The following CDH18 variants were observed in gnomAD, a reference collection of about 807,000 sequenced individuals.
CDH18 encodes the protein cadherin-18.
In CDH18, 31 loss-of-function variants were observed where a neutral mutation model predicts 67.9. The observed-to-expected ratio is 0.46, with a 90% CI of 0.34 to 0.62. The LOEUF (loss-of-function observed/expected upper bound fraction) is 0.62, where lower values mean the gene tolerates loss of function less well. Ranked by LOEUF, CDH18 falls within the 20% of genes least tolerant of loss-of-function variation. CDH18 has a pLI of 0.01. For missense variants in CDH18, 890 were observed against 975.5 expected, an observed-to-expected ratio of 0.91 and a Z score of 1.17; for synonymous variants, 362 against 347.2, an observed-to-expected ratio of 1.04 and a Z score of -0.48.
chr5:19,571,889 TCA>T, intron 7 of CDH18, 57 bp from the exon 8 acceptor site: 3 of 1,355,706 alleles, frequency 2.2e-6, no homozygotes, highest in Non-Finnish European at 3.1e-6. Context: ...ATTATGACTT[TCA>T]TTACTTTTCA....
chr5:20,156,230 G>A (rs539168694), intron 2 of CDH18, among the ~76,000 whole-genome samples: 3 of 151,972 alleles, frequency 2.0e-5, no homozygotes, highest in African/African-American at 7.2e-5. Flanking sequence ...TCCTGTACTG[G>A]GTATATATAA....
chr5:20,211,171 T>C (rs1361055542), intron 2 of CDH18, among the ~76,000 whole-genome samples: 1 of 152,124 alleles, frequency 6.6e-6, no homozygotes, highest in Non-Finnish European at 1.5e-5. Context: ...AATAGCACAC[T>C]TGAAATGAAG....
intron 1 of CDH18, among the ~76,000 whole-genome samples, chr5:20,426,560 C>T (rs1409714249): frequency 6.6e-6 from 1 of 151,038 alleles, no homozygotes; most frequent in African/African-American, 2.5e-5. Context: ...ATATTAATCA[C>T]ACACATACAT....
At chr5:19,497,301 A>G (rs1742509263) in intron 11 of CDH18, among the ~76,000 whole-genome samples, 1 of 152,208 alleles carries the variant, frequency 6.6e-6, no homozygotes, top group Non-Finnish European at 1.5e-5. Flanking sequence ...ATATCAACCA[A>G]AGCTGTATGT....
intron 4 of CDH18, among the ~76,000 whole-genome samples, chr5:19,728,528 T>G (rs1260290443): frequency 6.6e-6 from 1 of 152,190 alleles, no homozygotes; most frequent in Non-Finnish European, 1.5e-5. Context: ...TTCTCATTCT[T>G]TTCGTTTGTT....
At chr5:19,862,511 C>T (rs956197832) in intron 2 of CDH18, among the ~76,000 whole-genome samples, 3 of 152,096 alleles carry the variant, frequency 2.0e-5, no homozygotes, top group Admixed American at 6.5e-5. Context: ...GAGGTAAAAT[C>T]GTAATGTTAC....
chr5:20,568,491 T>C (rs1256492073), intron 1 of CDH18, among the ~76,000 whole-genome samples: 2 of 152,084 alleles, frequency 1.3e-5, no homozygotes, highest in East Asian at 3.9e-4. Flanking sequence ...ACTCAATAAC[T>C]AGATGGTAGA....
intron 5 of CDH18, among the ~76,000 whole-genome samples, chr5:19,635,800 T>G (rs1753055462): frequency 6.6e-6 from 1 of 152,174 alleles, no homozygotes; most frequent in Non-Finnish European, 1.5e-5. Context: ...CAATGATATG[T>G]TTAACAAGTT....
intron 2 of CDH18, among the ~76,000 whole-genome samples, chr5:20,165,388 C>CT (rs1736206568): frequency 6.6e-6 from 1 of 151,974 alleles, no homozygotes; most frequent in African/African-American, 2.4e-5. Flanking sequence ...CATTTGAGGA[C>CT]TTACTTAAAT....
chr5:20,377,136 C>T (rs1401958463), intron 1 of CDH18, among the ~76,000 whole-genome samples: 4 of 152,128 alleles, frequency 2.6e-5, no homozygotes, highest in Admixed American at 2.0e-4. Flanking sequence ...AAAGTAGAAA[C>T]TCCGTGTAAG....
At chr5:20,098,881 G>C (rs996065056) in intron 2 of CDH18, among the ~76,000 whole-genome samples, 1 of 152,014 alleles carries the variant, frequency 6.6e-6, no homozygotes, top group Non-Finnish European at 1.5e-5. Context: ...TATTAGCCAC[G>C]AATTAAGTTA....
At chr5:20,428,886 G>C (rs1399596755) in intron 1 of CDH18, among the ~76,000 whole-genome samples, 2 of 152,104 alleles carry the variant, frequency 1.3e-5, no homozygotes, top group Non-Finnish European at 2.9e-5. Flanking sequence ...CTTGAAAAGT[G>C]TGACCATTAG....
chr5:19,742,238 C>T (rs1769308977), intron 4 of CDH18, among the ~76,000 whole-genome samples: 2 of 152,094 alleles, frequency 1.3e-5, no homozygotes, highest in African/African-American at 4.8e-5. Flanking sequence ...ATAATCATTA[C>T]TTAGCAAGAG....
At chr5:20,402,529 T>C (rs1301025472) in intron 1 of CDH18, among the ~76,000 whole-genome samples, 2 of 152,162 alleles carry the variant, frequency 1.3e-5, no homozygotes, top group African/African-American at 4.8e-5. Context: ...AAGATAGAAA[T>C]AAATTGGGTC....
intron 1 of CDH18, among the ~76,000 whole-genome samples, chr5:20,427,928 G>GT (rs1314922055): frequency 6.6e-6 from 1 of 151,018 alleles, no homozygotes; most frequent in Non-Finnish European, 1.5e-5. Context: ...CAACGTGTTT[G>GT]TTTTTTTGTT....
chr5:20,149,427 C>T (rs1750922568), intron 2 of CDH18, among the ~76,000 whole-genome samples: 1 of 152,076 alleles, frequency 6.6e-6, no homozygotes, highest in South Asian at 2.1e-4. Context: ...ATGATTTCTC[C>T]TCATTTTTCT....
chr5:19,492,068 C>A (rs1015464808), intron 11 of CDH18, among the ~76,000 whole-genome samples: 7 of 149,878 alleles, frequency 4.7e-5, no homozygotes, highest in African/African-American at 1.2e-4. Flanking sequence ...AGCAAATCAT[C>A]AAAAAAAAAT....
intron 4 of CDH18, among the ~76,000 whole-genome samples, chr5:19,725,405 C>A (rs943015908): frequency 6.6e-6 from 1 of 152,048 alleles, no homozygotes; most frequent in Admixed American, 6.5e-5. Context: ...TGTTAGGTAC[C>A]CAGATTAGAC....
At chr5:19,940,468 C>T (rs921341571) in intron 2 of CDH18, among the ~76,000 whole-genome samples, 7 of 151,912 alleles carry the variant, frequency 4.6e-5, no homozygotes, top group Admixed American at 2.6e-4. Flanking sequence ...AAATGTGTAT[C>T]GAAGAGACCT....
Sources: gnomAD v4.1 joint callset for allele counts (sites outside exome capture counted in the v4.1 genomes callset) on GRCh38, gnomAD v4.1.1 for gene constraint, MANE v1.5 for transcripts, NCBI Gene and HGNC (gene_info 2026-07-23, HGNC 2026-07-21) for gene names.